Variants in PAPPA2 observed in about 807,000 individuals in gnomAD.
The protein encoded by PAPPA2 is pappalysin 2, also known as pappalysin-2.
PAPPA2 carries 86 observed loss-of-function variants against 176.4 expected under a neutral mutation model. The ratio of observed to expected loss-of-function variants is 0.49; its 90% CI spans 0.41 to 0.58. The LOEUF is 0.58. Among genes scored for constraint, PAPPA2 ranks in the 20% least tolerant of loss-of-function variants. The probability of loss-of-function intolerance (pLI) is 0.00; values close to 1 mark genes in which losing one functional copy is unlikely to be tolerated. For synonymous variants in PAPPA2, 809 were observed against 852.2 expected, an observed-to-expected ratio of 0.95 and a Z score of 0.88; for missense variants, 2,073 against 2,256.9, an observed-to-expected ratio of 0.92 and a Z score of 1.65.
chr1:176,670,963 T>C lies in PAPPA2; in HGVS notation c.1992-7T>C. 6.2e-7 allele frequency: 1 copy of C among 1,613,100 alleles called. No homozygotes were observed. The highest frequency in any genetic ancestry group is 8.5e-7 in the Non-Finnish European group (1 of 1,179,504). ...TGTGACATTTTTTCATCTTGCATGC[T>C]CTCTAGGGCATACATGAGTGTGAAG... On this transcript the variant is annotated splice_polypyrimidine_tract_variant and splice_region_variant and intron_variant, in intron 3 of 22. Transcript: ENST00000367662.
At chr1:176,807,317 G>A (rs1665947058) in intron 21 of PAPPA2, among the ~76,000 whole-genome samples, 1 of 152,054 alleles carries the variant, frequency 6.6e-6, no homozygotes, top group Admixed American at 6.6e-5. Context: ...GAGAGAGTTG[G>A]TAAAGGACTG....
rs930050248 is a variant in PAPPA2 at position 176,683,408 on chromosome 1, A to G, written c.2138-6729A>G. On this transcript the variant is annotated intron_variant, in intron 4 of 22. Coordinates refer to ENST00000367662, the MANE Select transcript of PAPPA2 (RefSeq NM_020318.3). ...TGGGAGCCCATTCATATCGTTTTCC[A>G]TGTACAAGTTGATGGTATTGGGACG... is the stretch of plus-strand genomic sequence containing the variant. Among the ~76,000 whole-genome samples the G allele has an allele frequency of 3.9e-5, 6 of 152,256 alleles. No individual in the cohort carries two copies. The South Asian group carries it at 6.2e-4, about 16-fold the overall frequency.
chr1:176,479,970 A>G (rs1245924428), intron 1 of PAPPA2, among the ~76,000 whole-genome samples: 1 of 152,250 alleles, frequency 6.6e-6, no homozygotes, highest in Non-Finnish European at 1.5e-5. Context: ...GAAGAGAAAT[A>G]CACAGGGAAG....
In PAPPA2 at chr1:176,600,452, G is replaced by A. The variant is rs539830169; in HGVS notation, c.1991+4857G>A. On this transcript the variant is annotated intron_variant, in intron 3 of 22. Coordinates refer to ENST00000367662, the MANE Select transcript of PAPPA2 (RefSeq NM_020318.3). ...AGCACTTTGGGAGGCCGAGGCGGGC[G>A]GATCACGAGGTCAGGAGATCGAGAC... Among the ~76,000 whole-genome samples the A allele has an allele frequency of 1.4e-4, 21 of 151,806 alleles. No individual in the cohort carries two copies. In the East Asian group the frequency reaches 2.3e-3, roughly 17 times the overall value.
intron 1 of PAPPA2, among the ~76,000 whole-genome samples, chr1:176,528,787 CCAAG>C (rs1437556869): frequency 2.6e-5 from 4 of 152,156 alleles, no homozygotes; most frequent in African/African-American, 9.7e-5. Flanking sequence ...TTTTCCTTCT[CCAAG>C]CAAGGCTACT....
At chr1:176,579,118 T>C (rs751184066) in intron 2 of PAPPA2, among the ~76,000 whole-genome samples, 96 of 152,084 alleles carry the variant, frequency 6.3e-4, no homozygotes, top group African/African-American at 1.7e-3. Context: ...GAAGGTTCCA[T>C]AGGGGAGAGG....
chr1:176,606,461 A>G (rs115428577), intron 3 of PAPPA2, among the ~76,000 whole-genome samples: 3,437 of 152,274 alleles, frequency 0.023, 85 homozygotes, highest in African/African-American at 0.062. Context: ...AATACTTTAT[A>G]GAAGAGATGA....
At chr1:176,781,907 T>C (rs1011974119) in intron 17 of PAPPA2, among the ~76,000 whole-genome samples, 2 of 152,228 alleles carry the variant, frequency 1.3e-5, no homozygotes, top group East Asian at 1.9e-4. Flanking sequence ...AGTTCAAAAA[T>C]GGACCATGTA....
chr1:176,837,036 G>A (rs757947527), intron 21 of PAPPA2, among the ~76,000 whole-genome samples: 2 of 152,104 alleles, frequency 1.3e-5, no homozygotes, highest in Admixed American at 6.6e-5. Context: ...GGGAAACATC[G>A]CCAGATTATA....
chr1:176,472,948 C>T (rs973246902), intron 1 of PAPPA2, among the ~76,000 whole-genome samples: 57 of 152,210 alleles, frequency 3.7e-4, no homozygotes, highest in African/African-American at 1.3e-3. Flanking sequence ...CCTTTCCCCA[C>T]TTATGTGCCA....
chr1:176,776,968 C>T lies in PAPPA2; in HGVS notation c.4715+5788C>T, dbSNP rs550633055. ...AAGTAGCCTGCCCATGATCACTCAG[C>T]CAATAAATGGTAAAATTAGGATGAA... On this transcript the variant is annotated intron_variant, in intron 17 of 22. Transcript: ENST00000367662. 3.3e-5 allele frequency among the ~76,000 whole-genome samples: 5 copies of T among 151,884 alleles called. No homozygotes were observed. The South Asian group carries it at 8.3e-4, about 25-fold the overall frequency.
At chr1:176,495,587 A>G (rs1192964099) in intron 1 of PAPPA2, among the ~76,000 whole-genome samples, 1 of 151,812 alleles carries the variant, frequency 6.6e-6, no homozygotes, top group Non-Finnish European at 1.5e-5. Context: ...TAACAGCTAG[A>G]GGATGGTGAC....
At chr1:176,755,618 C>T (rs1275036531) in intron 14 of PAPPA2, among the ~76,000 whole-genome samples, 1 of 152,108 alleles carries the variant, frequency 6.6e-6, no homozygotes, top group Non-Finnish European at 1.5e-5. Context: ...TTGGAGGGTA[C>T]CAGTGATCAT....
chr1:176,697,290 A>G (rs1012393910), intron 7 of PAPPA2, among the ~76,000 whole-genome samples: 6 of 152,172 alleles, frequency 3.9e-5, no homozygotes, highest in Non-Finnish European at 8.8e-5. Context: ...TGCTGATGTT[A>G]GGTTGATTTC....
chr1:176,574,011 C>T (rs768147410), intron 2 of PAPPA2, among the ~76,000 whole-genome samples: 41 of 151,780 alleles, frequency 2.7e-4, no homozygotes, highest in Admixed American at 1.2e-3. Context: ...TGTCATGTGA[C>T]GCATCATTGT....
At chr1:176,806,995 A>G (rs1665935021) in intron 21 of PAPPA2, among the ~76,000 whole-genome samples, 1 of 152,136 alleles carries the variant, frequency 6.6e-6, no homozygotes, top group Admixed American at 6.5e-5. Context: ...TTCAAGACCA[A>G]TTCTGGTTTT....
intron 6 of PAPPA2, among the ~76,000 whole-genome samples, chr1:176,694,502 C>T (rs1386408473): frequency 6.6e-6 from 1 of 152,216 alleles, no homozygotes; most frequent in Non-Finnish European, 1.5e-5. Flanking sequence ...GAAATGGGAG[C>T]AGCTGTCATA....
At chr1:176,585,481 A>G (rs1653251739) in intron 2 of PAPPA2, among the ~76,000 whole-genome samples, 1 of 152,146 alleles carries the variant, frequency 6.6e-6, no homozygotes, top group Non-Finnish European at 1.5e-5. Context: ...TGGATTAAAT[A>G]TATTTGGAGA....
chr1:176,466,948 C>G (rs1040389980), intron 1 of PAPPA2, among the ~76,000 whole-genome samples: 4 of 152,174 alleles, frequency 2.6e-5, no homozygotes, highest in African/African-American at 9.7e-5. Context: ...AGCTCTGAGA[C>G]CATATGGGAG....
Sources: gnomAD v4.1 joint callset for allele counts (sites outside exome capture counted in the v4.1 genomes callset) on GRCh38, gnomAD v4.1.1 for gene constraint, MANE v1.5 for transcripts, NCBI Gene and HGNC (gene_info 2026-07-23, HGNC 2026-07-21) for gene names.